ARHGAP24: variants seen among roughly 807,000 people sequenced by gnomAD.
ARHGAP24 encodes the protein rho GTPase-activating protein 24.
Under a neutral mutation model 76.4 loss-of-function variants are expected in ARHGAP24, and 50 were observed. The ratio of observed to expected loss-of-function variants is 0.65; its 90% CI spans 0.52 to 0.83. The LOEUF is 0.83. ARHGAP24 is among the 40% of genes least tolerant of loss of function. The pLI, the probability that ARHGAP24 is intolerant of heterozygous loss-of-function variation, is 0.00. For missense variants in ARHGAP24, 930 were observed against 914.2 expected (o/e 1.02, Z -0.22); for synonymous variants, 345 against 323.3 (o/e 1.07, Z -0.72).
intron 1 of ARHGAP24, among the ~76,000 whole-genome samples, chr4:85,536,185 A>G (rs1469343086): frequency 1.3e-5 from 2 of 152,174 alleles, no homozygotes; most frequent in African/African-American, 4.8e-5. Context: ...CCTAGGATCA[A>G]CTTACATGAC....
At position 85,528,387 on chromosome 4, in the gene ARHGAP24, GT is replaced by G. The variant is rs1245836061; in HGVS notation, c.-20-42129del. Among the ~76,000 whole-genome samples the G allele has an allele frequency of 3.3e-5, 5 of 152,032 alleles. No homozygotes were observed. The East Asian group carries it at 7.7e-4, about 23-fold the overall frequency. ...CAATAAGAAATCAGGAGCCACTGGAGTTTTTTAAGGAGAAAAATTATGAGTA... is the reference window on the plus strand; with the variant it reads ...CAATAAGAAATCAGGAGCCACTGGAGTTTTTAAGGAGAAAAATTATGAGTA... On this transcript the variant is annotated intron_variant, in intron 1 of 9. Coordinates refer to ENST00000395184, the MANE Select transcript of ARHGAP24 (RefSeq NM_001025616.3).
chr4:85,508,199 A>G (rs1027911173), intron 1 of ARHGAP24, among the ~76,000 whole-genome samples: 2 of 152,160 alleles, frequency 1.3e-5, no homozygotes, highest in Admixed American at 1.3e-4. Flanking sequence ...AGTTTTTCCA[A>G]TGTAAAGCAG....
intron 1 of ARHGAP24, among the ~76,000 whole-genome samples, chr4:85,483,575 G>A (rs1722901095): frequency 6.6e-6 from 1 of 152,008 alleles, no homozygotes; most frequent in Non-Finnish European, 1.5e-5. Context: ...TGGCGCCACT[G>A]CACTGCAGCC....
At chr4:85,729,413 A>T (rs569257991) in intron 3 of ARHGAP24, among the ~76,000 whole-genome samples, 2 of 152,324 alleles carry the variant, frequency 1.3e-5, no homozygotes, top group South Asian at 2.1e-4. Context: ...AGCTATTAAC[A>T]TGGTACAAAG....
intron 1 of ARHGAP24, among the ~76,000 whole-genome samples, chr4:85,551,928 C>T (rs138695506): frequency 2.9e-3 from 442 of 152,028 alleles, no homozygotes; most frequent in African/African-American, 9.4e-3. Flanking sequence ...TTCATTATTA[C>T]GCTAGCTAAT....
chr4:85,766,947 T>C (rs544816230), intron 3 of ARHGAP24, among the ~76,000 whole-genome samples: 2 of 152,320 alleles, frequency 1.3e-5, no homozygotes, highest in East Asian at 1.9e-4. Context: ...ACCGTATTTT[T>C]ACTATGTCTT....
intron 3 of ARHGAP24, among the ~76,000 whole-genome samples, chr4:85,898,542 G>C (rs1390731394): frequency 6.6e-6 from 1 of 152,082 alleles, no homozygotes; most frequent in Non-Finnish European, 1.5e-5. Context: ...ACATGCATTT[G>C]GTAAATCATT....
chr4:85,790,130 A>G lies in ARHGAP24; in HGVS notation c.268+68158A>G, dbSNP rs550138244. 3.3e-5 allele frequency among the ~76,000 whole-genome samples: 5 copies of G among 152,296 alleles called. No individual in the cohort carries two copies. The South Asian group carries it at 1.0e-3, about 32-fold the overall frequency. ...ATGGGGCCCCAGAATATGCATTTTA[A>G]CAAAAACTCCAGGTGATTATGGCAC... On this transcript the variant is annotated intron_variant, in intron 3 of 9. Coordinates refer to ENST00000395184, the MANE Select transcript of ARHGAP24 (RefSeq NM_001025616.3).
chr4:85,963,341 T>C (rs1738375048), intron 5 of ARHGAP24, among the ~76,000 whole-genome samples: 1 of 152,080 alleles, frequency 6.6e-6, no homozygotes, highest in African/African-American at 2.4e-5. Flanking sequence ...GATTGAATCT[T>C]GGGTCTAAAA....
At position 85,478,178 on chromosome 4, in the gene ARHGAP24, C is replaced by A. The variant is rs558494725; in HGVS notation, c.-21+2619C>A. ...TGATCACATTTTATAGAGGAAAAAG[C>A]AGAAGATATTTAAAATGGAACGATG... On this transcript the variant is annotated intron_variant, in intron 1 of 9. Coordinates refer to ENST00000395184, the MANE Select transcript of ARHGAP24 (RefSeq NM_001025616.3). Among the ~76,000 whole-genome samples, 12 of 152,266 alleles carry A rather than the reference C, an allele frequency of 7.9e-5. No individual in the cohort carries two copies. In the East Asian group the frequency reaches 1.5e-3, roughly 20 times the overall value.
chr4:85,722,000 T>C (rs1056520629), intron 3 of ARHGAP24, 28 bp downstream of exon 3: 1 of 1,590,878 alleles, frequency 6.3e-7, no homozygotes, highest in Non-Finnish European at 8.6e-7. Flanking sequence ...TCTGATTAAA[T>C]TATTGTCATC....
chr4:85,918,665 A>T (rs1279570172), intron 3 of ARHGAP24, among the ~76,000 whole-genome samples: 1 of 152,122 alleles, frequency 6.6e-6, no homozygotes, highest in Non-Finnish European at 1.5e-5. Context: ...GTAAAAGTTG[A>T]TCATGTCAAG....
chr4:85,862,114 C>T (rs1025840878), intron 3 of ARHGAP24, among the ~76,000 whole-genome samples: 3 of 151,874 alleles, frequency 2.0e-5, no homozygotes, highest in Non-Finnish European at 4.4e-5. Flanking sequence ...TCCTCCTTCT[C>T]CTTGAATACT....
chr4:85,878,511 AT>A (rs369428841), intron 3 of ARHGAP24, among the ~76,000 whole-genome samples: 2 of 152,076 alleles, frequency 1.3e-5, no homozygotes, highest in South Asian at 2.1e-4. Flanking sequence ...ACCCCTGTTG[AT>A]AAAAAATAAT....
intron 3 of ARHGAP24, among the ~76,000 whole-genome samples, chr4:85,878,799 T>G (rs75233813): frequency 0.017 from 2,648 of 152,266 alleles, 75 homozygotes; most frequent in African/African-American, 0.061. Context: ...CAGCAATTAT[T>G]AAGTTTGTCT....
intron 1 of ARHGAP24, among the ~76,000 whole-genome samples, chr4:85,490,322 G>C (rs1723303812): frequency 6.6e-6 from 1 of 152,156 alleles, no homozygotes; most frequent in East Asian, 1.9e-4. Context: ...ATTGTAGCTA[G>C]AACAATTTAA....
At chr4:85,873,663 T>C (rs1732665096) in intron 3 of ARHGAP24, among the ~76,000 whole-genome samples, 2 of 152,188 alleles carry the variant, frequency 1.3e-5, no homozygotes, top group Admixed American at 1.3e-4. Context: ...TAGCTTTTCT[T>C]TCCAAGCATC....
chr4:85,544,585 T>G (rs1412313661), intron 1 of ARHGAP24, among the ~76,000 whole-genome samples: 1 of 152,182 alleles, frequency 6.6e-6, no homozygotes, highest in African/African-American at 2.4e-5. Context: ...GCCTCTTGGA[T>G]CCTATATATA....
At chr4:85,887,839 T>A (rs1733650125) in intron 3 of ARHGAP24, among the ~76,000 whole-genome samples, 1 of 152,178 alleles carries the variant, frequency 6.6e-6, no homozygotes, top group Non-Finnish European at 1.5e-5. Context: ...TATCAAAATG[T>A]TTTTGTAATT....
Sources: allele counts gnomAD v4.1 joint callset (sites outside exome capture counted in the v4.1 genomes callset), GRCh38; gene constraint gnomAD v4.1.1; transcripts MANE v1.5; gene names NCBI Gene and HGNC (gene_info 2026-07-23, HGNC 2026-07-21).